The following TFDP1 variants were observed in gnomAD, a reference collection of about 807,000 sequenced individuals.
TFDP1 encodes the protein transcription factor Dp-1.
A neutral mutation model predicts 48.0 loss-of-function variants in TFDP1; 6 were observed. That is an observed-to-expected ratio of 0.13 (90% confidence interval 0.07 to 0.25). The LOEUF is 0.25. Among genes scored for constraint, TFDP1 ranks in the 10% least tolerant of loss-of-function variants. The pLI is 1.00. For synonymous variants in TFDP1, 201 were observed against 211.6 expected (o/e 0.95, Z 0.44); for missense variants, 335 against 543.0 (o/e 0.62, Z 3.81).
intron 2 of TFDP1, among the ~76,000 whole-genome samples, chr13:113,587,920 G>A (rs376902212): frequency 2.9e-4 from 44 of 152,268 alleles, no homozygotes; most frequent in African/African-American, 1.0e-3. Context: ...GCAATGGCGC[G>A]ACCTCAGCTC....
intron 2 of TFDP1, among the ~76,000 whole-genome samples, chr13:113,587,693 C>T (rs1408381772): frequency 1.3e-5 from 2 of 151,790 alleles, no homozygotes; most frequent in Non-Finnish European, 2.9e-5. Context: ...CACCATGTTG[C>T]CCAGGCTGGG....
intron 5 of TFDP1, chr13:113,631,953 G>T (rs981206610): frequency 1.6e-5 from 10 of 633,772 alleles, no homozygotes; most frequent in Admixed American, 1.4e-4. Context: ...GTCGGGCTGG[G>T]CACCGCCCAC....
intron 4 of TFDP1, among the ~76,000 whole-genome samples, chr13:113,628,863 GT>G (rs1566670731): frequency 6.6e-6 from 1 of 152,202 alleles, no homozygotes; most frequent in Non-Finnish European, 1.5e-5. Flanking sequence ...GCTGTTGAGT[GT>G]GGCTCCTGGT....
intron 2 of TFDP1, among the ~76,000 whole-genome samples, chr13:113,593,752 G>A (rs1304061823): frequency 1.4e-5 from 2 of 145,634 alleles, no homozygotes; most frequent in Non-Finnish European, 3.0e-5. Context: ...TGGTGTGCGC[G>A]GGTCCTCAGC....
chr13:113,634,919 GTGTGTGCA>G lies in TFDP1; in HGVS notation c.687+327_687+334del, dbSNP rs1239574282. On this transcript the variant is annotated intron_variant, in intron 8 of 11. Coordinates refer to ENST00000375370, the MANE Select transcript of TFDP1 (RefSeq NM_007111.5). ...CGTGCATGTGCCTGTGTGCGTGTGT[GTGTGTGCA>G]TGTGTGCATACATGTGTATGTGTGT... Among the ~76,000 whole-genome samples the G allele has an allele frequency of 5.0e-4, 76 of 152,300 alleles. 1 individual carries two copies. Among genetic ancestry groups the G allele is most frequent in the African/African-American group, 1.5e-3 (64 of 41,558 alleles).
At chr13:113,594,153 C>T (rs2048223555) in intron 2 of TFDP1, among the ~76,000 whole-genome samples, 1 of 149,714 alleles carries the variant, frequency 6.7e-6, no homozygotes, top group Non-Finnish European at 1.5e-5. Flanking sequence ...TGCGCGGGTC[C>T]TCAGCCGTGC....
rs551699562 is a variant in TFDP1 at position 113,613,943 on chromosome 13, T to C, written c.79+2881T>C. 1.9e-3 allele frequency among the ~76,000 whole-genome samples: 283 copies of C among 151,096 alleles called. 1 individual carries two copies. Among genetic ancestry groups the C allele is most frequent in the Middle Eastern group, 3.4e-3 (1 of 290 alleles). ...TGCGTGTGAGTTGTGTGCGTGTGTG[T>C]GCATGTGAATTGTGAGGAGTGCATA... On this transcript the variant is annotated intron_variant, in intron 3 of 11. Transcript: ENST00000375370.
chr13:113,613,689 G>GTC (rs201861267), intron 3 of TFDP1, among the ~76,000 whole-genome samples: 6 of 150,602 alleles, frequency 4.0e-5, no homozygotes, highest in African/African-American at 1.5e-4. Context: ...ATGAGTGTGT[G>GTC]TGTGTATGCG....
chr13:113,614,252 G>C (rs1446348544), intron 3 of TFDP1, among the ~76,000 whole-genome samples: 1 of 151,616 alleles, frequency 6.6e-6, no homozygotes, highest in Non-Finnish European at 1.5e-5. Flanking sequence ...TGTGAGTTCT[G>C]ATTGTGCGTG....
At chr13:113,622,666 G>T (rs1290193274) in intron 3 of TFDP1, among the ~76,000 whole-genome samples, 3 of 152,210 alleles carry the variant, frequency 2.0e-5, no homozygotes, top group Non-Finnish European at 4.4e-5. Flanking sequence ...TCTCCCGCTT[G>T]CTTCACCAGT....
At chr13:113,620,341 C>T (rs913745534) in intron 3 of TFDP1, among the ~76,000 whole-genome samples, 5 of 152,192 alleles carry the variant, frequency 3.3e-5, no homozygotes, top group South Asian at 2.1e-4. Context: ...GGACGGGCGC[C>T]GTGGCCTGGC....
rs530872856 is a variant in TFDP1 at position 113,634,567 on chromosome 13, C to G, written c.652C>G (p.Gln218Glu). 6.2e-6 allele frequency: 10 copies of G among 1,613,486 alleles called. 1 individual carries two copies. In the African/African-American group the frequency reaches 1.2e-4, roughly 19 times the overall value. The change falls in exon 8 of 12, where the codon CAG becomes GAG. Residue 218 changes from glutamine (Q) to glutamate (E), a missense_variant. Gln to Glu is a conservative substitution (Grantham distance 29). Transcript: ENST00000375370. Reference protein sequence around the residue: ...ERQRRLERIKQKQSQLQELIL... With the variant: ...ERQRRLERIKEKQSQLQELIL... ...ACAGAGGAGACTTGAAAGAATAAAA[C>G]AGAAACAGTCTCAACTTCAAGAACT... is the stretch of plus-strand genomic sequence containing the variant.
At chr13:113,612,488 A>G (rs1194244262) in intron 3 of TFDP1, among the ~76,000 whole-genome samples, 1 of 152,244 alleles carries the variant, frequency 6.6e-6, no homozygotes, top group Non-Finnish European at 1.5e-5. Context: ...GGATTCACAG[A>G]TTGCTTGAGA....
At chr13:113,588,648 A>G (rs2048063139) in intron 2 of TFDP1, among the ~76,000 whole-genome samples, 2 of 152,290 alleles carry the variant, frequency 1.3e-5, no homozygotes, top group African/African-American at 4.8e-5. Context: ...GTGGGTAGGA[A>G]ATGACTGTGG....
At chr13:113,586,553 C>T (rs1221743011) in intron 2 of TFDP1, among the ~76,000 whole-genome samples, 1 of 152,178 alleles carries the variant, frequency 6.6e-6, no homozygotes, top group Admixed American at 6.5e-5. Flanking sequence ...TGTTTCCCAC[C>T]GTGCATCGTT....
chr13:113,589,522 G>C (rs551040065), intron 2 of TFDP1, among the ~76,000 whole-genome samples: 1 of 152,214 alleles, frequency 6.6e-6, no homozygotes, highest in Non-Finnish European at 1.5e-5. Context: ...TGGGAGGTCC[G>C]TACAGACTCT....
At chr13:113,596,939 C>G (rs1038977892) in intron 2 of TFDP1, among the ~76,000 whole-genome samples, 2 of 152,214 alleles carry the variant, frequency 1.3e-5, no homozygotes, top group African/African-American at 4.8e-5. Flanking sequence ...CTCGCCCCAG[C>G]CTGTCCTGAG....
Position 113,607,229 on chromosome 13 carries a change from T to A in TFDP1, c.13-3767T>A, listed in dbSNP as rs926876167. Among the ~76,000 whole-genome samples the A allele has an allele frequency of 3.9e-5, 6 of 152,118 alleles. No homozygotes were observed. The highest frequency in any genetic ancestry group is 1.4e-4 in the African/African-American group (6 of 41,400). The stretch of plus-strand genomic sequence containing the variant: ...CTGAGACAGCGCAGGGCGTCATTCA[T>A]CCCCCTGCCTCCTGAGCCCAGAGCT... On this transcript the variant is annotated intron_variant, in intron 2 of 11. Transcript: ENST00000375370. The surrounding 1 kb of genome is among the most constrained non-coding windows in gnomAD (Gnocchi z 5.2).
intron 2 of TFDP1, among the ~76,000 whole-genome samples, chr13:113,601,036 A>T (rs2048412638): frequency 6.6e-6 from 1 of 152,134 alleles, no homozygotes; most frequent in Non-Finnish European, 1.5e-5. Context: ...TGTTTGTGAG[A>T]TGAGCCTTCA....
Sources: allele counts gnomAD v4.1 joint callset (sites outside exome capture counted in the v4.1 genomes callset), GRCh38; gene constraint gnomAD v4.1.1; non-coding constraint Gnocchi (gnomAD v3.1); transcripts MANE v1.5; gene names NCBI Gene and HGNC (gene_info 2026-07-23, HGNC 2026-07-21).